UBR3: variants seen among roughly 807,000 people sequenced by gnomAD.
The protein encoded by UBR3 is ubiquitin protein ligase E3 component n-recognin 3.
Under a neutral mutation model 243.2 loss-of-function variants are expected in UBR3, and 85 were observed. The observed-to-expected ratio is 0.35, with a 90% CI of 0.29 to 0.42. The LOEUF is 0.42. Ranked by LOEUF, UBR3 falls within the 10% of genes least tolerant of loss-of-function variation. The pLI, the probability that UBR3 is intolerant of heterozygous loss-of-function variation, is 1.00. For missense variants in UBR3, 1,686 were observed against 2,300.8 expected (o/e 0.73, Z 5.47); for synonymous variants, 748 against 799.8 (o/e 0.94, Z 1.09).
intron 24 of UBR3, chr2:169,965,103 G>A (rs551488768): frequency 2.7e-6 from 1 of 368,214 alleles, no homozygotes; most frequent in African/African-American, 2.1e-5. Flanking sequence ...ACCCCAAAAA[G>A]CCTGTTTGAG....
rs116037880 is a variant in UBR3 at position 169,975,009 on chromosome 2, C to T, written c.3635-11636C>T. Among the ~76,000 whole-genome samples, 445 of 152,108 alleles carry T rather than the reference C, an allele frequency of 2.9e-3. 3 individuals are homozygous for T. Among genetic ancestry groups the T allele is most frequent in the African/African-American group, 0.01 (420 of 41,516 alleles). On this transcript the variant is annotated intron_variant, in intron 24 of 38. Transcript: ENST00000272793. ...CAGCCTGCACAACATGGCAAAACCC[C>T]AAAATACAAAAATTAGCCTGGTGTG...
In UBR3 at chr2:170,082,864, G is replaced by C. The variant is rs915243065; in HGVS notation, c.*1021G>C. ...CTAAAAGGAAAAAAAAGGCGCAGTG[G>C]TGATGACCCTCATGAATGAGCCACG... On this transcript the variant is annotated 3_prime_UTR_variant, in exon 39 of 39. Coordinates refer to ENST00000272793, the MANE Select transcript of UBR3 (RefSeq NM_172070.4). 6.6e-6 allele frequency: 1 copy of C among 152,360 alleles called. No individual in the cohort carries two copies. The highest frequency in any genetic ancestry group is 6.5e-5 in the Admixed American group (1 of 15,268). The allele number at this position is 152,360 out of a possible 1,614,324, so 9.4% of individuals were successfully genotyped here.
intron 1 of UBR3, among the ~76,000 whole-genome samples, chr2:169,845,501 ATCGTCGTCGTCGTCG>A (rs879064379): frequency 6.4e-4 from 60 of 93,902 alleles, no homozygotes; most frequent in African/African-American, 1.4e-3. Context: ...CTTCGTCGTC[ATCGTCGTCGTCGTCG>A]TCGTCGTCGT....
intron 2 of UBR3, among the ~76,000 whole-genome samples, chr2:169,872,958 C>T (rs1279456672): frequency 6.6e-6 from 1 of 152,058 alleles, no homozygotes; most frequent in Non-Finnish European, 1.5e-5. Flanking sequence ...TAACATACTT[C>T]AGTTAGGTAA....
chr2:170,005,823 C>T lies in UBR3; in HGVS notation c.4030-1167C>T, dbSNP rs535288432. Among the ~76,000 whole-genome samples, 10 of 152,042 alleles carry T rather than the reference C, an allele frequency of 6.6e-5. No homozygotes were observed. The South Asian group carries it at 1.7e-3, about 25-fold the overall frequency. ...ACTTGGAGTGATGAGGAAAACATAT[C>T]GAGGTACCAAAGTCTTCAGTGGTTG... is the stretch of plus-strand genomic sequence containing the variant. On this transcript the variant is annotated intron_variant, in intron 27 of 38. Transcript: ENST00000272793.
chr2:169,933,116 C>T, intron 19 of UBR3, 108 bp downstream of exon 19: 1 of 695,156 alleles, frequency 1.4e-6, no homozygotes, highest in Non-Finnish European at 2.3e-6. Flanking sequence ...TACTTTCATT[C>T]TTTAAAGGTG....
intron 1 of UBR3, among the ~76,000 whole-genome samples, chr2:169,845,930 T>C (rs1239861412): frequency 6.6e-6 from 1 of 152,212 alleles, no homozygotes; most frequent in African/African-American, 2.4e-5. Context: ...CATACTTATA[T>C]GATGTCAATT....
intron 24 of UBR3, among the ~76,000 whole-genome samples, chr2:169,970,157 T>C (rs1173590989): frequency 6.6e-6 from 1 of 151,770 alleles, no homozygotes; most frequent in East Asian, 1.9e-4. Context: ...TTTTTGGTGA[T>C]GACTTCAATT....
rs186917113 is a variant in UBR3, at chr2:170,028,299, T to C, written c.4454-1047T>C. ...ATAAACACACATGTACACCCCATACTACCCCATTTATATTGATGGATCTTG... is the reference window on the plus strand; with the variant it reads ...ATAAACACACATGTACACCCCATACCACCCCATTTATATTGATGGATCTTG... On this transcript the variant is annotated intron_variant, in intron 30 of 38. Transcript: ENST00000272793. Among the ~76,000 whole-genome samples the C allele has an allele frequency of 1.3e-4, 20 of 151,926 alleles. No individual in the cohort carries two copies. The East Asian group carries it at 3.3e-3, about 25-fold the overall frequency.
chr2:169,932,961 A>G lies in UBR3; in HGVS notation c.2616A>G (p.Thr872=), dbSNP rs1426456848. The G allele has an allele frequency of 6.5e-7, 1 of 1,538,846 alleles. No homozygotes were observed. The change falls in exon 19 of 39, where the codon ACA becomes ACG. Residue 872 remains threonine (T), a synonymous_variant. Coordinates refer to ENST00000272793, the MANE Select transcript of UBR3 (RefSeq NM_172070.4). ...EFDPVMVILR[T]VYRRDVQSAM... ...ACCCCGTCATGGTCATTCTTCGAAC[A>G]GTTTACCGTAGAGATGTGCAGTCTG...
chr2:169,927,442 G>A, intron 17 of UBR3, 37 bp downstream of exon 17: 4 of 1,394,954 alleles, frequency 2.9e-6, no homozygotes, highest in Non-Finnish European at 3.9e-6. Context: ...TTAGTTGCAG[G>A]ATCTAAAATA....
intron 32 of UBR3, among the ~76,000 whole-genome samples, chr2:170,045,896 T>C (rs776930711): frequency 8.6e-5 from 13 of 151,982 alleles, no homozygotes; most frequent in Non-Finnish European, 1.6e-4. Flanking sequence ...CAATTAAAAA[T>C]GAACAGTTAT....
chr2:169,905,442 A>G (rs894561918), intron 9 of UBR3, 149 bp downstream of exon 9: 9 of 569,762 alleles, frequency 1.6e-5, no homozygotes, highest in African/African-American at 1.6e-4. Context: ...TACTTTAATA[A>G]ATTGTTCATA....
chr2:169,886,978 ATTG>A (rs976943620), intron 5 of UBR3, among the ~76,000 whole-genome samples: 2 of 152,060 alleles, frequency 1.3e-5, no homozygotes, highest in African/African-American at 4.8e-5. Flanking sequence ...TTCTTTGAGT[ATTG>A]TTGTAACCAG....
At chr2:169,851,753 A>G (rs12992657) in intron 1 of UBR3, among the ~76,000 whole-genome samples, 41,918 of 150,328 alleles carry the variant, frequency 0.28, 6,925 homozygotes, top group Non-Finnish European at 0.38. Context: ...CAGGAGAATC[A>G]CTTGAACCAG....
chr2:170,010,936 G>C lies in UBR3; in HGVS notation c.4367+1996G>C, dbSNP rs570328171. On this transcript the variant is annotated intron_variant, in intron 29 of 38. Coordinates refer to ENST00000272793, the MANE Select transcript of UBR3 (RefSeq NM_172070.4). ...CTCAGAACTTGAGAGACCAAGGCAGGAGGATTGCTTGAGACCAGGAGTTTG... is the reference window on the plus strand; with the variant it reads ...CTCAGAACTTGAGAGACCAAGGCAGCAGGATTGCTTGAGACCAGGAGTTTG... 4.6e-5 allele frequency among the ~76,000 whole-genome samples: 7 copies of C among 152,208 alleles called. No homozygotes were observed. The East Asian group carries it at 7.7e-4, about 17-fold the overall frequency.
chr2:169,875,280 A>G (rs1269569268), intron 2 of UBR3, among the ~76,000 whole-genome samples: 1 of 152,142 alleles, frequency 6.6e-6, no homozygotes, highest in African/African-American at 2.4e-5. Flanking sequence ...TGATCTTATG[A>G]TGACATTTAT....
chr2:170,007,094 T>C lies in UBR3; in HGVS notation c.4134T>C (p.Asn1378=). 1.2e-6 allele frequency: 2 copies of C among 1,613,814 alleles called. No homozygotes were observed. Among genetic ancestry groups the C allele is most frequent in the South Asian group, 2.2e-5 (2 of 91,036 alleles). ...TTCTTCCATGTTATCCTGGAAGCAA[T>C]GTGGAAAATAACCCTTGGCAACGTC... is the stretch of plus-strand genomic sequence containing the variant. ...NSVLPCYPGS[N]VENNPWQRPS... is the part of the protein sequence containing the mutation. The change falls in exon 28 of 39, where the codon AAT becomes AAC. Residue 1378 remains asparagine (N), a synonymous_variant. Coordinates refer to ENST00000272793, the MANE Select transcript of UBR3 (RefSeq NM_172070.4).
intron 24 of UBR3, among the ~76,000 whole-genome samples, chr2:169,985,053 A>G (rs1391118676): frequency 6.6e-6 from 1 of 151,928 alleles, no homozygotes; most frequent in African/African-American, 2.4e-5. Context: ...GATAGGGTCA[A>G]TGAAATTGTA....
Sources: gnomAD v4.1 joint callset for allele counts (sites outside exome capture counted in the v4.1 genomes callset) on GRCh38, gnomAD v4.1.1 for gene constraint, MANE v1.5 for transcripts, NCBI Gene and HGNC (gene_info 2026-07-23, HGNC 2026-07-21) for gene names.